CTNNA2: variants seen among roughly 807,000 people sequenced by gnomAD.
The protein encoded by CTNNA2 is catenin alpha-2.
A neutral mutation model predicts 101.0 loss-of-function variants in CTNNA2; 42 were observed. The ratio of observed to expected loss-of-function variants is 0.42; its 90% CI spans 0.32 to 0.54. The LOEUF (loss-of-function observed/expected upper bound fraction) is 0.54. Ranked by LOEUF, CTNNA2 falls within the 20% of genes least tolerant of loss-of-function variation. The probability of loss-of-function intolerance (pLI) is 0.14; values close to 1 mark genes in which losing one functional copy is unlikely to be tolerated. For synonymous variants in CTNNA2, 450 were observed against 456.4 expected, an observed-to-expected ratio of 0.99 and a Z score of 0.18; for missense variants, 871 against 1,223.1, an observed-to-expected ratio of 0.71 and a Z score of 4.29.
intron 2 of CTNNA2, among the ~76,000 whole-genome samples, chr2:79,658,408 A>G (rs1053984155): frequency 6.6e-6 from 1 of 152,048 alleles, no homozygotes; most frequent in Non-Finnish European, 1.5e-5. Flanking sequence ...TGCTTTCAGT[A>G]CCATTTTCTT....
At chr2:80,558,476 G>T (rs1433470158) in intron 12 of CTNNA2, among the ~76,000 whole-genome samples, 1 of 120,574 alleles carries the variant, frequency 8.3e-6, no homozygotes, top group Non-Finnish European at 2.1e-5. Context: ...GTGTGTGTGT[G>T]TGTGTGTGTG....
intron 9 of CTNNA2, among the ~76,000 whole-genome samples, chr2:80,521,846 A>G (rs1253842848): frequency 6.6e-6 from 1 of 152,232 alleles, no homozygotes; most frequent in Non-Finnish European, 1.5e-5. Context: ...AATTTTTAAC[A>G]GTAGCAGTAG....
rs115790034 is a variant in CTNNA2, at chr2:79,900,675, C to T, written c.853-8919C>T. 4.0e-3 allele frequency among the ~76,000 whole-genome samples: 602 copies of T among 151,936 alleles called. 9 individuals are homozygous for T. The highest frequency in any genetic ancestry group is 0.014 in the African/African-American group (562 of 41,434). On this transcript the variant is annotated intron_variant, in intron 6 of 18. Coordinates refer to ENST00000402739, the MANE Select transcript of CTNNA2 (RefSeq NM_001282597.3). ...AGAAGGAAGGAAGCTCTGTGGTATC[C>T]GTGAAATATAAAACTTACCCAGTTA...
chr2:80,377,013 G>A (rs542229863), intron 7 of CTNNA2, among the ~76,000 whole-genome samples: 6 of 152,252 alleles, frequency 3.9e-5, no homozygotes, highest in South Asian at 2.1e-4. Context: ...AAGCTACCAC[G>A]GTTGTCAGAG....
intron 8 of CTNNA2, among the ~76,000 whole-genome samples, chr2:80,400,015 C>CA (rs1678408310): frequency 6.6e-6 from 1 of 152,070 alleles, no homozygotes; most frequent in Non-Finnish European, 1.5e-5. Flanking sequence ...GATTCTTATC[C>CA]AAAACTGTCA....
intron 9 of CTNNA2, among the ~76,000 whole-genome samples, chr2:80,484,466 A>G (rs1334383231): frequency 1.3e-5 from 2 of 152,186 alleles, no homozygotes; most frequent in African/African-American, 4.8e-5. Context: ...CTGTTCGGCG[A>G]AAAAGGAATA....
chr2:80,372,444 T>C (rs1031815213), intron 7 of CTNNA2, among the ~76,000 whole-genome samples: 2 of 151,940 alleles, frequency 1.3e-5, no homozygotes, highest in African/African-American at 2.4e-5. Flanking sequence ...AATTTCTCTG[T>C]CCTTCCTAAA....
chr2:80,321,430 A>C (rs908652235), intron 7 of CTNNA2, among the ~76,000 whole-genome samples: 1 of 152,202 alleles, frequency 6.6e-6, no homozygotes, highest in Non-Finnish European at 1.5e-5. Context: ...TATTGAACGG[A>C]GTACAGATGC....
chr2:79,518,684 A>T (rs1224665104), intron 1 of CTNNA2, among the ~76,000 whole-genome samples: 1 of 152,136 alleles, frequency 6.6e-6, no homozygotes, highest in Admixed American at 6.5e-5. Flanking sequence ...TCTTAAATTC[A>T]TAGGGCCTGA....
chr2:80,608,152 C>G, intron 16 of CTNNA2, 32 bp from the exon 17 acceptor site: 2 of 1,580,914 alleles, frequency 1.3e-6, no homozygotes, highest in Middle Eastern at 1.7e-4. Context: ...AGAGTACTTA[C>G]TAATCAAGAT....
intron 2 of CTNNA2, among the ~76,000 whole-genome samples, chr2:79,684,201 C>A (rs1285286582): frequency 6.6e-6 from 1 of 152,168 alleles, no homozygotes; most frequent in Non-Finnish European, 1.5e-5. Flanking sequence ...TTGGACCAGT[C>A]TACACTTCAA....
chr2:79,267,806 T>A (rs550741588), intron 2 of CTNNA2, among the ~76,000 whole-genome samples: 17 of 152,280 alleles, frequency 1.1e-4, no homozygotes, highest in African/African-American at 4.1e-4. Context: ...CTTGTTTTAA[T>A]GTCCTGGAAA....
chr2:79,478,039 C>A (rs2104553637), intron 4 of CTNNA2, among the ~76,000 whole-genome samples: 1 of 152,296 alleles, frequency 6.6e-6, no homozygotes, highest in East Asian at 1.9e-4. Flanking sequence ...ATTAGTAAAA[C>A]TTCCAAATTC....
At chr2:79,545,879 A>G (rs761174248) in intron 1 of CTNNA2, among the ~76,000 whole-genome samples, 3 of 152,222 alleles carry the variant, frequency 2.0e-5, no homozygotes, top group Non-Finnish European at 4.4e-5. Flanking sequence ...AGCACTTCAT[A>G]TGTGTCAGGC....
chr2:79,230,965 C>T (rs1417529014), intron 2 of CTNNA2, among the ~76,000 whole-genome samples: 2 of 152,194 alleles, frequency 1.3e-5, no homozygotes, highest in African/African-American at 4.8e-5. Context: ...TTACCAAATG[C>T]CTGTACTACC....
At chr2:79,718,458 A>G (rs1573776757) in intron 2 of CTNNA2, among the ~76,000 whole-genome samples, 1 of 152,208 alleles carries the variant, frequency 6.6e-6, no homozygotes. Context: ...AATAAAAATG[A>G]TCTGCTCCCC....
At chr2:80,619,035 T>TC in intron 17 of CTNNA2, 50 bp from the exon 18 acceptor site, 2 of 1,251,394 alleles carry the variant, frequency 1.6e-6, no homozygotes, top group Non-Finnish European at 2.1e-6. Flanking sequence ...TTTTTTTTTT[T>TC]CTTTTGCTCT....
At chr2:79,311,008 T>C (rs191503625) in intron 2 of CTNNA2, among the ~76,000 whole-genome samples, 2 of 152,254 alleles carry the variant, frequency 1.3e-5, no homozygotes, top group South Asian at 4.1e-4. Flanking sequence ...ATTTGAGGAA[T>C]AAAGAAAGCA....
chr2:80,200,621 C>T (rs189689000), intron 7 of CTNNA2, among the ~76,000 whole-genome samples: 2 of 152,108 alleles, frequency 1.3e-5, no homozygotes, highest in Admixed American at 1.3e-4. Flanking sequence ...CTGCAATCTC[C>T]ACCTCCTGGG....
Sources: gnomAD v4.1 joint callset for allele counts (sites outside exome capture counted in the v4.1 genomes callset) on GRCh38, gnomAD v4.1.1 for gene constraint, MANE v1.5 for transcripts, NCBI Gene and HGNC (gene_info 2026-07-23, HGNC 2026-07-21) for gene names.